Variants in PCDHA11 observed in about 807,000 individuals in gnomAD.
PCDHA11 encodes protocadherin alpha 11.
PCDHA11 carries 61 observed loss-of-function variants against 70.3 expected under a neutral mutation model. The ratio of observed to expected loss-of-function variants is 0.87; its 90% CI spans 0.71 to 1.07. The LOEUF (loss-of-function observed/expected upper bound fraction) is 1.07. Among genes scored for constraint, PCDHA11 ranks in the 50% least tolerant of loss-of-function variants. PCDHA11 has a pLI of 0.00. For missense variants in PCDHA11, 1,324 were observed against 1,237.5 expected (o/e 1.07, Z -1.05); for synonymous variants, 633 against 555.1 (o/e 1.14, Z -1.97).
chr5:141,002,494 C>CGGT (rs2098083464), intron 3 of PCDHA11, among the ~76,000 whole-genome samples: 1 of 152,228 alleles, frequency 6.6e-6, no homozygotes, highest in Admixed American at 6.5e-5. Flanking sequence ...CCTTGTTATA[C>CGGT]AGCTCAGGAT....
intron 1 of PCDHA11, chr5:140,875,972 T>G: frequency 6.2e-7 from 1 of 1,614,068 alleles, no homozygotes; most frequent in Non-Finnish European, 8.5e-7. Context: ...GTAAACTCTC[T>G]TTTGACCTAT....
At chr5:141,000,639 G>A (rs1375900945) in intron 3 of PCDHA11, among the ~76,000 whole-genome samples, 2 of 151,186 alleles carry the variant, frequency 1.3e-5, no homozygotes, top group East Asian at 1.9e-4. Flanking sequence ...TGTTGGGCAG[G>A]CTGGTCTCGA....
In PCDHA11 at chr5:140,961,349, T is replaced by C. The variant is rs1352312577; in HGVS notation, c.2392-17600T>C. Among the ~76,000 whole-genome samples the C allele has an allele frequency of 2.0e-5, 3 of 152,204 alleles. No individual in the cohort carries two copies. The East Asian group carries it at 5.8e-4, about 29-fold the overall frequency. On this transcript the variant is annotated intron_variant, in intron 1 of 3. Coordinates refer to ENST00000398640, the MANE Select transcript of PCDHA11 (RefSeq NM_018902.5). Reference sequence around the variant, plus strand: ...TTGAGAGACCAAGAGTGGATCCCTGTAGTCCCCATTAGAATTCTCCTTCTA... The same window carrying C: ...TTGAGAGACCAAGAGTGGATCCCTGCAGTCCCCATTAGAATTCTCCTTCTA...
intron 1 of PCDHA11, among the ~76,000 whole-genome samples, chr5:140,924,152 C>A (rs1163487854): frequency 6.6e-6 from 1 of 152,176 alleles, no homozygotes. Flanking sequence ...TGAAGAAATG[C>A]ACATCCTAAT....
chr5:140,933,704 T>C (rs1436562602), intron 1 of PCDHA11, among the ~76,000 whole-genome samples: 1 of 152,084 alleles, frequency 6.6e-6, no homozygotes, highest in African/African-American at 2.4e-5. Flanking sequence ...CGGACACATT[T>C]ACTGAGATTG....
intron 1 of PCDHA11, chr5:140,969,240 C>T: frequency 6.2e-7 from 1 of 1,614,198 alleles, no homozygotes; most frequent in South Asian, 1.1e-5. Context: ...GCCCAAGCAG[C>T]AGTGACTGAC....
chr5:140,895,968 G>T lies in PCDHA11; in HGVS notation c.2391+24474G>T, dbSNP rs190056652. 4.1e-3 allele frequency among the ~76,000 whole-genome samples: 628 copies of T among 152,052 alleles called. 2 individuals are homozygous for T. Among genetic ancestry groups the T allele is most frequent in the Middle Eastern group, 6.8e-3 (2 of 294 alleles). On this transcript the variant is annotated intron_variant, in intron 1 of 3. Coordinates refer to ENST00000398640, the MANE Select transcript of PCDHA11 (RefSeq NM_018902.5). ...TGGGATTACAGGTGCCTGTCACCAG[G>T]CCTAGCTAATTTTTGTATTTTAAGT... is the stretch of plus-strand genomic sequence containing the variant.
At chr5:140,920,930 T>C (rs1286502333) in intron 1 of PCDHA11, among the ~76,000 whole-genome samples, 1 of 151,962 alleles carries the variant, frequency 6.6e-6, no homozygotes, top group Non-Finnish European at 1.5e-5. Flanking sequence ...GTAGGTGATC[T>C]AGCCCTTTCA....
At chr5:140,940,873 A>G (rs541083185) in intron 1 of PCDHA11, among the ~76,000 whole-genome samples, 10 of 152,352 alleles carry the variant, frequency 6.6e-5, no homozygotes, top group African/African-American at 2.4e-4. Context: ...CAGTGAGTGA[A>G]TACTACTGCT....
intron 1 of PCDHA11, chr5:140,930,101 G>A (rs782338185): frequency 9.2e-5 from 14 of 152,094 alleles, no homozygotes; most frequent in Non-Finnish European, 1.6e-4. Context: ...TATACTGATA[G>A]GAGATCATAT....
At chr5:140,911,449 C>G (rs1554194734) in intron 1 of PCDHA11, among the ~76,000 whole-genome samples, 1 of 152,116 alleles carries the variant, frequency 6.6e-6, no homozygotes, top group Non-Finnish European at 1.5e-5. Context: ...AATTTCAGCT[C>G]TTTCTCTACA....
At chr5:140,911,312 T>C (rs2075424091) in intron 1 of PCDHA11, among the ~76,000 whole-genome samples, 1 of 152,154 alleles carries the variant, frequency 6.6e-6, no homozygotes, top group African/African-American at 2.4e-5. Context: ...CCATTCCAAG[T>C]TTCAGGATCC....
At chr5:140,967,843 T>C (rs782701780) in intron 1 of PCDHA11, 3 of 1,614,102 alleles carry the variant, frequency 1.9e-6, no homozygotes, top group Admixed American at 3.3e-5. Flanking sequence ...TGGACGTGAA[T>C]GACAATGCCC....
At chr5:140,871,519 A>C in intron 1 of PCDHA11, 25 bp downstream of exon 1, 1 of 1,554,010 alleles carries the variant, frequency 6.4e-7, no homozygotes, top group Non-Finnish European at 8.7e-7. Context: ...GATTCCACCT[A>C]TCAGGAAGTG....
chr5:140,993,380 C>G (rs1304300325), intron 3 of PCDHA11, among the ~76,000 whole-genome samples: 1 of 151,860 alleles, frequency 6.6e-6, no homozygotes, highest in Non-Finnish European at 1.5e-5. Context: ...CCAGCCGGGT[C>G]CCTGAAACTC....
chr5:140,877,049 A>G (rs1554169270), intron 1 of PCDHA11: 4 of 1,612,684 alleles, frequency 2.5e-6, no homozygotes, highest in Middle Eastern at 3.9e-4. Context: ...CTAGACCACG[A>G]GGAGCTGGAG....
At chr5:140,882,961 G>A (rs267600401) in intron 1 of PCDHA11, 1 of 1,614,180 alleles carries the variant, frequency 6.2e-7, no homozygotes, top group Non-Finnish European at 8.5e-7. Context: ...TGCTCATCAC[G>A]ATTCTGGACG....
At chr5:140,910,523 T>TC (rs2153515069) in intron 1 of PCDHA11, among the ~76,000 whole-genome samples, 1 of 152,338 alleles carries the variant, frequency 6.6e-6, no homozygotes, top group African/African-American at 2.4e-5. Flanking sequence ...ATGCAGGTAC[T>TC]CCCCTCACAA....
At position 140,927,719 on chromosome 5, in the gene PCDHA11, C is replaced by A. The variant is rs144571902; in HGVS notation, c.2392-51230C>A. Reference sequence around the variant, plus strand: ...GTCCAGTACTCCCTAAGCAACAGCACGCAAGCAGAGCTGCGACACCGCTTT... The same window carrying A: ...GTCCAGTACTCCCTAAGCAACAGCAAGCAAGCAGAGCTGCGACACCGCTTT... On this transcript the variant is annotated intron_variant, in intron 1 of 3. Transcript: ENST00000398640. The A allele has an allele frequency of 2.2e-4, 352 of 1,614,178 alleles. No individual in the cohort carries two copies. In the Middle Eastern group the frequency reaches 2.3e-3, roughly 11 times the overall value.
Sources: gnomAD v4.1 joint callset for allele counts (sites outside exome capture counted in the v4.1 genomes callset) on GRCh38, gnomAD v4.1.1 for gene constraint, MANE v1.5 for transcripts, NCBI Gene and HGNC (gene_info 2026-07-23, HGNC 2026-07-21) for gene names.